The following CGN variants were observed in gnomAD, a reference collection of about 807,000 sequenced individuals.
CGN encodes the protein cingulin.
CGN carries 121 observed loss-of-function variants against 157.1 expected under a neutral mutation model. The observed-to-expected ratio is 0.77, with a 90% confidence interval of 0.66 to 0.90. The LOEUF is 0.90. Ranked by LOEUF, CGN falls within the 40% of genes least tolerant of loss-of-function variation. The pLI is 0.00. For synonymous variants in CGN, 535 were observed against 607.5 expected, an observed-to-expected ratio of 0.88 and a Z score of 1.76; for missense variants, 1,424 against 1,520.9, an observed-to-expected ratio of 0.94 and a Z score of 1.06.
chr1:151,517,522 T>C (rs926216696), intron 1 of CGN, among the ~76,000 whole-genome samples: 1 of 151,734 alleles, frequency 6.6e-6, no homozygotes, highest in African/African-American at 2.4e-5. Flanking sequence ...TTTTTTTTTT[T>C]TTTTGGAGAT....
Position 151,524,075 on chromosome 1 carries a change from T to C in CGN, c.1269-151T>C, listed in dbSNP as rs778276309. The C allele has an allele frequency of 1.5e-6, 1 of 665,762 alleles. No homozygotes were observed. The highest frequency in any genetic ancestry group is 2.5e-6 in the Non-Finnish European group (1 of 394,402). The allele number at this position is 665,762 out of a possible 1,614,324, so 41.2% of individuals were successfully genotyped here. A position where few individuals can be genotyped will look rare whatever the true frequency, so the allele number is the denominator to read the frequency against. On this transcript the variant is annotated intron_variant, in intron 6 of 20. Coordinates refer to ENST00000271636, the MANE Select transcript of CGN (RefSeq NM_020770.3). The surrounding 1 kb of genome is among the most constrained non-coding windows in gnomAD (Gnocchi z 4.4). Reference sequence around the variant, plus strand: ...GGTAAGGCAGATCAGGAGGGCCAGGTTGTAGCGGGGCAGGTTGCAAAAATC... The same window carrying C: ...GGTAAGGCAGATCAGGAGGGCCAGGCTGTAGCGGGGCAGGTTGCAAAAATC...
chr1:151,533,932 C>T lies in CGN; in HGVS notation c.2743-43C>T, dbSNP rs751777928. Reference sequence around the variant, plus strand: ...ACTGCTCCTGCCCCTCAACCCTCACCTTCTCACTACACTGAGCTGTGGCAT... The same window carrying T: ...ACTGCTCCTGCCCCTCAACCCTCACTTTCTCACTACACTGAGCTGTGGCAT... On this transcript the variant is annotated intron_variant, in intron 14 of 20. Transcript: ENST00000271636. The T allele has an allele frequency of 1.0e-5, 16 of 1,553,850 alleles. No individual in the cohort carries two copies. The South Asian group carries it at 2.0e-4, about 19-fold the overall frequency.
chr1:151,534,337 G>A, intron 15 of CGN: 1 of 591,622 alleles, frequency 1.7e-6, no homozygotes, highest in Non-Finnish European at 3.0e-6. Context: ...TTTGTATTTG[G>A]CAGATATGGT....
chr1:151,534,543 GT>G, intron 15 of CGN: 1 of 244,900 alleles, frequency 4.1e-6, no homozygotes, highest in Non-Finnish European at 8.0e-6. Context: ...AGGTAGTCTT[GT>G]TTTCTCCATT....
Position 151,523,399 on chromosome 1 carries a change from C to T in CGN, c.1141-35C>T, listed in dbSNP as rs200382878. 8.9e-6 allele frequency: 14 copies of T among 1,570,936 alleles called. No individual in the cohort carries two copies. The East Asian group carries it at 3.1e-4, about 35-fold the overall frequency. On this transcript the variant is annotated intron_variant, in intron 5 of 20. Coordinates refer to ENST00000271636, the MANE Select transcript of CGN (RefSeq NM_020770.3). ...GAGTCTTTCTGAGAGGCTTTCCCTACCCTCTACCTGCTGTACTCTCATTCC... is the reference window on the plus strand; with the variant it reads ...GAGTCTTTCTGAGAGGCTTTCCCTATCCTCTACCTGCTGTACTCTCATTCC...
At position 151,529,363 on chromosome 1, in the gene CGN, C is replaced by T. The variant is rs768438186; in HGVS notation, c.1910C>T (p.Thr637Ile). 2 of 1,613,624 alleles carry T rather than the reference C, an allele frequency of 1.2e-6. No individual in the cohort carries two copies. Among genetic ancestry groups the T allele is most frequent in the South Asian group, 2.2e-5 (2 of 91,040 alleles). ...GTTTCCTTCCAGGAGCTGCTCCGGA[C>T]ACAGGAGGAGCTTAAGGAACTGCAG... The part of the protein sequence containing the change: ...VEVLKKELLR[T>I]QEELKELQAE... The change falls in exon 11 of 21, where the codon ACA becomes ATA. Residue 637 changes from threonine to isoleucine, a missense_variant. This residue lies in a region of CGN where 1,187 missense variants were observed against 1,217.6 expected (regional missense o/e 0.97). Transcript: ENST00000271636.
chr1:151,529,597 T>C, intron 11 of CGN, 38 bp downstream of exon 11: 3 of 1,569,210 alleles, frequency 1.9e-6, no homozygotes, highest in Non-Finnish European at 2.6e-6. Flanking sequence ...AGGTGGAGGC[T>C]GAGGGTGTCT....
In CGN at chr1:151,527,163, C is replaced by A. The variant is rs1042981683; in HGVS notation, c.1896+56C>A. ...GTAGGGGTGATGAACACCTGCCTTA[C>A]CTCTCCATGAGGGCCTTCTTGCTAG... On this transcript the variant is annotated intron_variant, in intron 10 of 20. Coordinates refer to ENST00000271636, the MANE Select transcript of CGN (RefSeq NM_020770.3). 4 of 1,601,170 alleles carry A rather than the reference C, an allele frequency of 2.5e-6. No homozygotes were observed. In the African/African-American group the frequency reaches 5.4e-5, roughly 21 times the overall value.
Position 151,538,595 on chromosome 1 carries a change from T to A in CGN, c.*1249T>A, listed in dbSNP as rs1306717356. On this transcript the variant is annotated 3_prime_UTR_variant, in exon 21 of 21. Coordinates refer to ENST00000271636, the MANE Select transcript of CGN (RefSeq NM_020770.3). ...ACTTGTAATGTCGTGATTAAAAAAA[T>A]TCCTATATTCTTCTGCAAATCAAAC... The A allele has an allele frequency of 2.6e-5, 4 of 152,216 alleles. No homozygotes were observed. Among genetic ancestry groups the A allele is most frequent in the Non-Finnish European group, 4.4e-5 (3 of 68,042 alleles). The allele number at this position is 152,216 out of a possible 1,614,324, so 9.4% of individuals were successfully genotyped here.
intron 9 of CGN, 102 bp from the exon 10 acceptor site, chr1:151,526,873 G>A: frequency 7.4e-7 from 1 of 1,350,378 alleles, no homozygotes; most frequent in East Asian, 2.3e-5. Context: ...TGCCCAGCGT[G>A]TTGGCCTCCA....
chr1:151,530,682 G>C lies in CGN; in HGVS notation c.2507G>C (p.Gly836Ala). 4.5e-6 allele frequency: 7 copies of C among 1,561,478 alleles called. No individual in the cohort carries two copies. Among genetic ancestry groups the C allele is most frequent in the Non-Finnish European group, 6.1e-6 (7 of 1,152,136 alleles). ...EGKQREVLRR[G>A]KAELEEQKRL... ...AAGCAGCGGGAGGTGCTCCGGCGAGGCAAGGCTGAGCTGGAGGAGCAGAAG... is the reference window on the plus strand; with the variant it reads ...AAGCAGCGGGAGGTGCTCCGGCGAGCCAAGGCTGAGCTGGAGGAGCAGAAG... The change falls in exon 13 of 21, where the codon GGC becomes GCC. Residue 836 changes from glycine to alanine, a missense_variant. Physicochemically the swap from Gly to Ala is moderately conservative, Grantham distance 60. Coordinates refer to ENST00000271636, the MANE Select transcript of CGN (RefSeq NM_020770.3).
intron 10 of CGN, chr1:151,527,951 T>TATATATATATA (rs1491531896): frequency 1.0e-4 from 8 of 78,748 alleles, no homozygotes; most frequent in African/African-American, 3.7e-4. Context: ...TATATATATA[T>TATATATATATA]TTTTTTTTTT....
At chr1:151,525,575 T>G in intron 8 of CGN, 67 bp from the exon 9 acceptor site, 1 of 1,375,154 alleles carries the variant, frequency 7.3e-7, no homozygotes. Flanking sequence ...TTGTACACAC[T>G]CACACTTTGA....
intron 15 of CGN, chr1:151,534,438 G>C (rs1664912303): frequency 2.2e-5 from 8 of 357,154 alleles, no homozygotes; most frequent in Non-Finnish European, 5.1e-6. Context: ...GTATTCTTCA[G>C]TTTGCTATAT....
rs1300273662 is a variant in CGN, at chr1:151,518,709, C to T, written c.190C>T (p.Pro64Ser). The change falls in exon 2 of 21, where the codon CCC becomes TCC. Residue 64 changes from proline (P) to serine (S), a missense_variant. Pro to Ser is a moderately conservative substitution (Grantham distance 74). This residue lies in a region of CGN where 1,187 missense variants were observed against 1,217.6 expected (regional missense o/e 0.97). Coordinates refer to ENST00000271636, the MANE Select transcript of CGN (RefSeq NM_020770.3). Reference protein sequence around the residue: ...AVRVQGIAGQPFVVLNSGEKG... With the variant: ...AVRVQGIAGQSFVVLNSGEKG... The stretch of plus-strand genomic sequence containing the variant: ...GCGTGTGCAGGGAATCGCTGGGCAG[C>T]CCTTTGTGGTGCTCAACAGTGGGGA... 1.2e-6 allele frequency: 2 copies of T among 1,614,082 alleles called. No individual in the cohort carries two copies. The highest frequency in any genetic ancestry group is 1.7e-5 in the Admixed American group (1 of 60,020).
rs116900907 is a variant in CGN, at chr1:151,519,992, C to T, written c.874-174C>T. ...GTTGGCCTCTCCCTGGCCTGTTGCT[C>T]AGGCCTCCACAGCATGTTTTCCTTG... On this transcript the variant is annotated intron_variant, in intron 2 of 20. Coordinates refer to ENST00000271636, the MANE Select transcript of CGN (RefSeq NM_020770.3). 9.7e-4 allele frequency among the ~76,000 whole-genome samples: 148 copies of T among 152,296 alleles called. 1 individual carries two copies. In the East Asian group the frequency reaches 0.027, roughly 28 times the overall value.
intron 11 of CGN, 121 bp from the exon 12 acceptor site, chr1:151,529,788 G>T (rs943945434): frequency 4.1e-6 from 4 of 969,842 alleles, no homozygotes; most frequent in African/African-American, 3.3e-5. Context: ...CTCTCTTTAA[G>T]CCTCATTCTT....
intron 13 of CGN, among the ~76,000 whole-genome samples, chr1:151,531,337 C>T (rs1664831903): frequency 1.3e-5 from 2 of 152,148 alleles, no homozygotes; most frequent in South Asian, 4.1e-4. Context: ...GTCTACAAAA[C>T]CTAAATACAA....
chr1:151,523,337 C>T (rs1664585153), intron 5 of CGN, 97 bp from the exon 6 acceptor site: 1 of 1,151,424 alleles, frequency 8.7e-7, no homozygotes, highest in Non-Finnish European at 1.2e-6. Flanking sequence ...TATCATACAG[C>T]AAGTGTCCAA....
Sources: allele counts gnomAD v4.1 joint callset (sites outside exome capture counted in the v4.1 genomes callset), GRCh38; gene constraint gnomAD v4.1.1; regional missense constraint gnomAD v4.1.1; non-coding constraint Gnocchi (gnomAD v3.1); transcripts MANE v1.5; gene names NCBI Gene and HGNC (gene_info 2026-07-23, HGNC 2026-07-21).